The following SLC14A2 variants were observed in gnomAD, a reference collection of about 807,000 sequenced individuals.
SLC14A2 encodes the protein urea transporter 2.
Under a neutral mutation model 104.6 loss-of-function variants are expected in SLC14A2, and 91 were observed. The observed-to-expected ratio is 0.87, with a 90% CI of 0.73 to 1.04. The LOEUF is 1.04. Ranked by LOEUF, SLC14A2 falls within the 50% of genes least tolerant of loss-of-function variation. The probability of loss-of-function intolerance (pLI) is 0.00; values close to 1 mark genes in which losing one functional copy is unlikely to be tolerated. For missense variants in SLC14A2, 1,189 were observed against 1,156.0 expected (o/e 1.03, Z -0.41); for synonymous variants, 476 against 466.4 (o/e 1.02, Z -0.27).
intron 2 of SLC14A2, among the ~76,000 whole-genome samples, chr18:45,581,493 G>C (rs2044491715): frequency 6.6e-6 from 1 of 152,152 alleles, no homozygotes; most frequent in South Asian, 2.1e-4. Flanking sequence ...ATGGAGAAGA[G>C]AAACTCACCA....
chr18:45,635,879 G>T (rs1205572006), intron 5 of SLC14A2, among the ~76,000 whole-genome samples: 1 of 152,210 alleles, frequency 6.6e-6, no homozygotes, highest in Non-Finnish European at 1.5e-5. Flanking sequence ...ACAGGGAAAA[G>T]AACTGGCCTG....
At chr18:45,365,991 AC>A (rs1443571995) in intron 1 of SLC14A2, among the ~76,000 whole-genome samples, 9 of 148,122 alleles carry the variant, frequency 6.1e-5, no homozygotes, top group African/African-American at 1.7e-4. Flanking sequence ...AAGCAAAAGG[AC>A]CAAAAAAAAA....
chr18:45,566,515 GCACACACACACA>G (rs66828313), intron 2 of SLC14A2, among the ~76,000 whole-genome samples: 147 of 149,480 alleles, frequency 9.8e-4, no homozygotes, highest in Middle Eastern at 3.5e-3. Context: ...GCTCACGCTC[GCACACACACACA>G]CACACACACA....
intron 16 of SLC14A2, among the ~76,000 whole-genome samples, chr18:45,671,815 G>A (rs547816899): frequency 1.3e-5 from 2 of 152,258 alleles, no homozygotes; most frequent in East Asian, 1.9e-4. Flanking sequence ...ACAGGGACTC[G>A]CCCCAGGACA....
At chr18:45,675,738 AG>A (rs138534215) in intron 18 of SLC14A2, among the ~76,000 whole-genome samples, 26,242 of 130,066 alleles carry the variant, frequency 0.2, 3,984 homozygotes, top group African/African-American at 0.44. Context: ...TTGGAGAGAC[AG>A]GGCTGCACTA....
chr18:45,542,689 C>T (rs1028988640), intron 2 of SLC14A2, among the ~76,000 whole-genome samples: 7 of 152,096 alleles, frequency 4.6e-5, no homozygotes, highest in African/African-American at 1.7e-4. Flanking sequence ...AGAGGCTTAG[C>T]TCAAATCTCT....
At chr18:45,609,131 G>A (rs2044926314) in intron 2 of SLC14A2, among the ~76,000 whole-genome samples, 1 of 152,110 alleles carries the variant, frequency 6.6e-6, no homozygotes, top group South Asian at 2.1e-4. Context: ...AATGGCTCAG[G>A]AGCATCCATC....
intron 1 of SLC14A2, among the ~76,000 whole-genome samples, chr18:45,479,506 A>G (rs2087451456): frequency 6.6e-6 from 1 of 152,072 alleles, no homozygotes; most frequent in Non-Finnish European, 1.5e-5. Context: ...TCTCCTGCCT[A>G]CTTTTTTCTC....
intron 1 of SLC14A2, among the ~76,000 whole-genome samples, chr18:45,441,291 T>C (rs1451115284): frequency 6.6e-6 from 1 of 152,226 alleles, no homozygotes; most frequent in African/African-American, 2.4e-5. Flanking sequence ...AGGATAAGTC[T>C]ACATGTGCCC....
chr18:45,326,691 C>T (rs1245932559), intron 1 of SLC14A2, among the ~76,000 whole-genome samples: 1 of 152,202 alleles, frequency 6.6e-6, no homozygotes, highest in East Asian at 1.9e-4. Flanking sequence ...GTGCTTCCTG[C>T]ACCCAAATAC....
At chr18:45,648,234 C>G (rs2045658652) in intron 10 of SLC14A2, among the ~76,000 whole-genome samples, 2 of 117,148 alleles carry the variant, frequency 1.7e-5, no homozygotes, top group African/African-American at 7.2e-5. Context: ...GAGATGGAGT[C>G]TCACTCTATC....
intron 1 of SLC14A2, among the ~76,000 whole-genome samples, chr18:45,307,177 G>T (rs958832398): frequency 2.6e-5 from 4 of 151,976 alleles, no homozygotes; most frequent in African/African-American, 4.8e-5. Flanking sequence ...AGCACTTTGG[G>T]AGGCCAAGGC....
chr18:45,218,016 G>A (rs1453483822), intron 1 of SLC14A2, among the ~76,000 whole-genome samples: 5 of 152,074 alleles, frequency 3.3e-5, no homozygotes, highest in Non-Finnish European at 7.4e-5. Context: ...TTTTATTGTA[G>A]TAAAACATAA....
chr18:45,210,717 G>A (rs1038461740), upstream of SLC14A2, among the ~76,000 whole-genome samples: 1 of 152,136 alleles, frequency 6.6e-6, no homozygotes, highest in Non-Finnish European at 1.5e-5. Flanking sequence ...TTGAGTTTTT[G>A]CTCTGCCATC....
intron 2 of SLC14A2, among the ~76,000 whole-genome samples, chr18:45,498,111 GA>G (rs371337925): frequency 2.4e-3 from 359 of 150,624 alleles, no homozygotes; most frequent in African/African-American, 8.2e-3. Context: ...CCAAGGACCA[GA>G]AAAAAAAACT....
chr18:45,446,481 C>T (rs1946169), intron 1 of SLC14A2, among the ~76,000 whole-genome samples: 50,625 of 152,094 alleles, frequency 0.33, 10,174 homozygotes, highest in Non-Finnish European at 0.44. Context: ...AATGCTGGCA[C>T]CCTTGTCTTA....
chr18:45,488,135 G>C (rs1383796338), intron 2 of SLC14A2, among the ~76,000 whole-genome samples: 1 of 152,178 alleles, frequency 6.6e-6, no homozygotes, highest in Non-Finnish European at 1.5e-5. Context: ...ATAGTGTAAG[G>C]AGAAATGAGG....
intron 2 of SLC14A2, among the ~76,000 whole-genome samples, chr18:45,539,842 A>G (rs2043857763): frequency 6.6e-6 from 1 of 151,966 alleles, no homozygotes; most frequent in African/African-American, 2.4e-5. Flanking sequence ...CAGTATTAAA[A>G]ACTTCAGAGC....
intron 1 of SLC14A2, among the ~76,000 whole-genome samples, chr18:45,332,488 C>A (rs1223742679): frequency 6.6e-6 from 1 of 152,094 alleles, no homozygotes; most frequent in African/African-American, 2.4e-5. Context: ...CGTGGGAGGT[C>A]TTGCCCAATC....
Sources: allele counts gnomAD v4.1 joint callset (sites outside exome capture counted in the v4.1 genomes callset), GRCh38; gene constraint gnomAD v4.1.1; transcripts MANE v1.5; gene names NCBI Gene and HGNC (gene_info 2026-07-23, HGNC 2026-07-21).